Variants in ABR observed in about 807,000 individuals in gnomAD.
The protein encoded by ABR is ABR activator of RhoGEF and GTPase, also known as active breakpoint cluster region-related protein.
In ABR, 35 loss-of-function variants were observed where a neutral mutation model predicts 107.2. The observed-to-expected ratio is 0.33, with a 90% CI of 0.25 to 0.43. The LOEUF (loss-of-function observed/expected upper bound fraction) is 0.43, where lower values mean the gene tolerates loss of function less well. Among genes scored for constraint, ABR ranks in the 20% least tolerant of loss-of-function variants. ABR has a pLI of 1.00. For missense variants in ABR, 815 were observed against 1,115.2 expected, an observed-to-expected ratio of 0.73 and a Z score of 3.83; for synonymous variants, 498 against 462.0, an observed-to-expected ratio of 1.08 and a Z score of -1.00.
chr17:1,169,370 C>T (rs973190002), intron 1 of ABR, among the ~76,000 whole-genome samples: 7 of 152,240 alleles, frequency 4.6e-5, no homozygotes, highest in Admixed American at 3.3e-4. Context: ...AATGTGAGAA[C>T]GCTCGCTCTA....
rs1284278412 is a variant in ABR at position 1,159,305 on chromosome 17, CACACAAGGGAAG to C, written c.61+20350_61+20361del. ...GGGAGAGGTAAGAATGCGGTACTCACACACAAGGGAAGTAAGAATGCAGTACTCACGCACAAG... is the reference window on the plus strand; with the variant it reads ...GGGAGAGGTAAGAATGCGGTACTCACTAAGAATGCAGTACTCACGCACAAG... On this transcript the variant is annotated intron_variant, in intron 1 of 22. Transcript: ENST00000302538. Among the ~76,000 whole-genome samples the C allele has an allele frequency of 2.5e-3, 216 of 84,966 alleles. 41 individuals are homozygous for C. The highest frequency in any genetic ancestry group is 9.1e-3 in the African/African-American group (207 of 22,826). 55.7% of individuals were successfully genotyped at this position (84,966 alleles called of 152,430 possible).
rs778444262 is a variant in ABR at position 1,050,002 on chromosome 17, C to T, written c.1791+48G>A. 5.7e-6 allele frequency: 9 copies of T among 1,573,006 alleles called. No homozygotes were observed. Among genetic ancestry groups the T allele is most frequent in the Non-Finnish European group, 6.9e-6 (8 of 1,163,188 alleles). ...GACCAGAATTCCTTTTCAACTGGAA[C>T]CACCTCCTGGAGGCTCCCTCAGCCT... On this transcript the variant is annotated intron_variant, in intron 16 of 22. Coordinates refer to ENST00000302538, the MANE Select transcript of ABR (RefSeq NM_021962.5). This position sits in a 1 kb window ranked among gnomAD's most constrained non-coding sequence, Gnocchi z 4.6.
chr17:1,009,168 C>CCCCCACTGCTGTCCAT (rs577260365), intron 21 of ABR, among the ~76,000 whole-genome samples: 1 of 59,526 alleles, frequency 1.7e-5, no homozygotes, highest in Non-Finnish European at 4.9e-5. Context: ...TGCTGTCTGT[C>CCCCCACTGCTGTCCAT]CCCCACTGCT....
At chr17:1,061,856 T>C (rs150908610) in intron 10 of ABR, among the ~76,000 whole-genome samples, 3 of 152,342 alleles carry the variant, frequency 2.0e-5, no homozygotes, top group Non-Finnish European at 4.4e-5. Flanking sequence ...CCTAACCACC[T>C]GTTTTCTACG....
At chr17:1,223,802 A>C (rs996901158) in intron 1 of ABR, among the ~76,000 whole-genome samples, 1 of 152,130 alleles carries the variant, frequency 6.6e-6, no homozygotes, top group Non-Finnish European at 1.5e-5. Flanking sequence ...AAACTTCCAA[A>C]CGCTTTAAAA....
At chr17:1,036,282 G>A (rs1004192206) in intron 16 of ABR, among the ~76,000 whole-genome samples, 7 of 152,150 alleles carry the variant, frequency 4.6e-5, no homozygotes, top group Admixed American at 1.3e-4. Context: ...CAGTTGGGGC[G>A]GGGAGAGCCC....
upstream of ABR, among the ~76,000 whole-genome samples, chr17:1,188,982 A>G (rs930124848): frequency 6.6e-6 from 1 of 152,142 alleles, no homozygotes; most frequent in Non-Finnish European, 1.5e-5. Context: ...TCGGGTTCTG[A>G]TCGTGAAACC....
chr17:1,020,650 C>T (rs1052013355), intron 16 of ABR, among the ~76,000 whole-genome samples: 3 of 152,140 alleles, frequency 2.0e-5, no homozygotes, highest in South Asian at 2.1e-4. Context: ...CTTTCTGGAC[C>T]GAAGTGACCT....
At chr17:1,165,040 A>G (rs1200983321) in intron 1 of ABR, among the ~76,000 whole-genome samples, 1 of 152,216 alleles carries the variant, frequency 6.6e-6, no homozygotes, top group African/African-American at 2.4e-5. Flanking sequence ...CAGTGCTTTC[A>G]GTGTGGTTGG....
intron 6 of ABR, among the ~76,000 whole-genome samples, chr17:1,076,717 G>GGC (rs1327408342): frequency 8.9e-6 from 1 of 112,176 alleles, no homozygotes; most frequent in African/African-American, 4.1e-5. Context: ...AGGTGCACGG[G>GGC]GGGGGTGGGG....
In ABR at chr17:1,179,792, G is replaced by A; in HGVS notation, c.-65C>T. The A allele has an allele frequency of 4.8e-6, 6 of 1,247,520 alleles. No individual in the cohort carries two copies. The highest frequency in any genetic ancestry group is 4.3e-6 in the Non-Finnish European group (4 of 937,768). 77.3% of individuals were successfully genotyped at this position (1,247,520 alleles called of 1,614,324 possible). The stretch of plus-strand genomic sequence containing the variant: ...CATCGCGCAACAAAGGAGGGAGAGC[G>A]GGCGGGAGCCGGGGGAGGCCGAAGT... On this transcript the variant is annotated 5_prime_UTR_variant, in exon 1 of 23. Transcript: ENST00000302538. This position sits in a 1 kb window ranked among gnomAD's most constrained non-coding sequence, Gnocchi z 4.9.
In ABR at chr17:1,091,902, G is replaced by A. The variant is rs776853023; in HGVS notation, c.346-52C>T. The A allele has an allele frequency of 1.5e-5, 24 of 1,553,736 alleles. No homozygotes were observed. In the East Asian group the frequency reaches 3.4e-4, roughly 22 times the overall value. ...AGAGGTCGGGGGTAAACAAACCAGA[G>A]TGTCGGCAGGCCCCGGGGCCGATCG... On this transcript the variant is annotated intron_variant, in intron 3 of 22. Coordinates refer to ENST00000302538, the MANE Select transcript of ABR (RefSeq NM_021962.5).
intron 2 of ABR, among the ~76,000 whole-genome samples, chr17:1,109,663 G>A (rs1186983577): frequency 1.3e-5 from 2 of 151,790 alleles, no homozygotes; most frequent in Admixed American, 1.3e-4. Context: ...GTCCCCATGC[G>A]CCGGAGCCCC....
chr17:1,215,877 C>G (rs1371838317), intron 1 of ABR, among the ~76,000 whole-genome samples: 1 of 85,394 alleles, frequency 1.2e-5, no homozygotes, highest in African/African-American at 4.3e-5. Flanking sequence ...GACCTTACCC[C>G]CAACCCCCGT....
chr17:1,197,004 T>C (rs1287888887), intron 1 of ABR, among the ~76,000 whole-genome samples: 85 of 151,782 alleles, frequency 5.6e-4, no homozygotes, highest in Non-Finnish European at 1.0e-4. Context: ...AAGATCCGCC[T>C]TCCTAAGGAA....
chr17:1,025,450 G>C (rs1427548772), intron 16 of ABR, among the ~76,000 whole-genome samples: 2 of 152,190 alleles, frequency 1.3e-5, no homozygotes, highest in African/African-American at 4.8e-5. Context: ...TCACAGAACT[G>C]TGCTTGAACA....
chr17:1,202,481 C>T (rs2042688951), intron 1 of ABR, among the ~76,000 whole-genome samples: 1 of 152,160 alleles, frequency 6.6e-6, no homozygotes, highest in African/African-American at 2.4e-5. Flanking sequence ...TACTCTTCAG[C>T]GAACAGTCCC....
intron 1 of ABR, among the ~76,000 whole-genome samples, chr17:1,226,994 C>A (rs1376388268): frequency 1.3e-5 from 2 of 152,170 alleles, no homozygotes; most frequent in East Asian, 3.8e-4. Flanking sequence ...CAGGAGCTTG[C>A]CCTGCAGAGG....
At chr17:1,113,884 T>C (rs188443532) in intron 2 of ABR, among the ~76,000 whole-genome samples, 1 of 152,190 alleles carries the variant, frequency 6.6e-6, no homozygotes, top group African/African-American at 2.4e-5. Flanking sequence ...ACTATACATA[T>C]AGGCCGGGTG....
Sources: gnomAD v4.1 joint callset for allele counts (sites outside exome capture counted in the v4.1 genomes callset) on GRCh38, gnomAD v4.1.1 for gene constraint, Gnocchi (gnomAD v3.1) non-coding constraint, MANE v1.5 for transcripts, NCBI Gene and HGNC (gene_info 2026-07-23, HGNC 2026-07-21) for gene names.